PACSIN2: variants seen among roughly 807,000 people sequenced by gnomAD.
The protein encoded by PACSIN2 is protein kinase C and casein kinase substrate in neurons protein 2.
In PACSIN2, 25 loss-of-function variants were observed where a neutral mutation model predicts 63.8. The observed-to-expected ratio is 0.39, with a 90% CI of 0.29 to 0.55. The LOEUF (loss-of-function observed/expected upper bound fraction) is 0.55. Among genes scored for constraint, PACSIN2 ranks in the 20% least tolerant of loss-of-function variants. The pLI is 0.62. For missense variants in PACSIN2, 518 were observed against 646.9 expected, an observed-to-expected ratio of 0.80 and a Z score of 2.16; for synonymous variants, 255 against 256.2, an observed-to-expected ratio of 1.00 and a Z score of 0.05.
chr22:42,889,373 T>TACACAC lies in PACSIN2; in HGVS notation c.454-581_454-576dup, dbSNP rs58408551. Among the ~76,000 whole-genome samples the TACACAC allele has an allele frequency of 2.9e-3, 360 of 122,546 alleles. 3 individuals carry two copies. Among genetic ancestry groups the TACACAC allele is most frequent in the African/African-American group, 9.3e-3 (335 of 36,044 alleles). 80.4% of individuals were successfully genotyped at this position (122,546 alleles called of 152,430 possible). On this transcript the variant is annotated intron_variant, in intron 4 of 10. Transcript: ENST00000263246. ...CATTTCCTCTGGTTTTAATGGTTTT[T>TACACAC]ACACACACACACACACACACACACA...
intron 1 of PACSIN2, among the ~76,000 whole-genome samples, chr22:43,013,608 C>T (rs1924644961): frequency 6.6e-6 from 1 of 152,204 alleles, no homozygotes; most frequent in Non-Finnish European, 1.5e-5. Flanking sequence ...CCTGCCTGGT[C>T]GGTTCCCTTG....
chr22:42,921,504 G>C (rs1932194666), intron 1 of PACSIN2, among the ~76,000 whole-genome samples: 3 of 152,280 alleles, frequency 2.0e-5, no homozygotes, highest in African/African-American at 7.2e-5. Flanking sequence ...AGGGCCAAGA[G>C]GGAACCAGCT....
intron 2 of PACSIN2, 53 bp from the exon 3 acceptor site, chr22:42,893,666 G>C (rs964332484): frequency 3.0e-5 from 47 of 1,577,792 alleles, no homozygotes; most frequent in Non-Finnish European, 3.8e-5. Context: ...CCTGTCCTTG[G>C]CTGTGGCACA....
chr22:42,937,565 C>A (rs1016640740), intron 1 of PACSIN2, among the ~76,000 whole-genome samples: 1 of 152,178 alleles, frequency 6.6e-6, no homozygotes, highest in Non-Finnish European at 1.5e-5. Context: ...GACTACCACA[C>A]ACTGAATCTC....
At chr22:42,932,283 C>T (rs997722158) in intron 1 of PACSIN2, among the ~76,000 whole-genome samples, 1 of 152,212 alleles carries the variant, frequency 6.6e-6, no homozygotes, top group East Asian at 1.9e-4. Context: ...GCCGGCTCCC[C>T]CTCACACCAT....
chr22:42,881,127 G>A (rs2146643789), intron 7 of PACSIN2, among the ~76,000 whole-genome samples: 1 of 152,306 alleles, frequency 6.6e-6, no homozygotes, highest in Admixed American at 6.5e-5. Flanking sequence ...GGAGTGCTCG[G>A]CAGCAGGGCC....
rs140662623 is a variant in PACSIN2, at chr22:42,950,153, A to C, written c.-77-37996T>G. 4.3e-3 allele frequency among the ~76,000 whole-genome samples: 659 copies of C among 152,234 alleles called. 5 individuals carry two copies. Among genetic ancestry groups the C allele is most frequent in the Admixed American group, 6.3e-3 (96 of 15,290 alleles). ...CTTTTTTTGCTTGTCATTATTCCCTAAACAATACGGTATAACTATTTACAT... is the reference window on the plus strand; with the variant it reads ...CTTTTTTTGCTTGTCATTATTCCCTCAACAATACGGTATAACTATTTACAT... On this transcript the variant is annotated intron_variant, in intron 1 of 10. Transcript: ENST00000263246.
At position 42,871,148 on chromosome 22, in the gene PACSIN2, G is replaced by A. The variant is rs1050759803; in HGVS notation, c.*209C>T. On this transcript the variant is annotated 3_prime_UTR_variant, in exon 11 of 11. Transcript: ENST00000263246. The surrounding 1 kb of genome is among the most constrained non-coding windows in gnomAD (Gnocchi z 5.4). ...GGGGCGGCTATTTCTGTTGTTCTGC[G>A]TCTTCCTGCGCTCAGATCCCTCCAG... 2.7e-5 allele frequency: 16 copies of A among 589,428 alleles called. No individual in the cohort carries two copies. The highest frequency in any genetic ancestry group is 5.6e-5 in the East Asian group (2 of 35,522). 36.5% of individuals were successfully genotyped at this position (589,428 alleles called of 1,614,324 possible).
intron 1 of PACSIN2, among the ~76,000 whole-genome samples, chr22:43,012,441 T>C (rs183414078): frequency 2.6e-5 from 4 of 152,238 alleles, no homozygotes; most frequent in Admixed American, 2.6e-4. Context: ...GAATGCTATG[T>C]TGGTGGAAAT....
At chr22:42,969,597 T>C (rs1293891125) in intron 1 of PACSIN2, among the ~76,000 whole-genome samples, 1 of 152,210 alleles carries the variant, frequency 6.6e-6, no homozygotes, top group Admixed American at 6.5e-5. Flanking sequence ...TGATTATCGC[T>C]GTAGATTGGA....
In PACSIN2 at chr22:42,871,534, C is replaced by A; in HGVS notation, c.1349-65G>T. 1 of 1,268,460 alleles carries A rather than the reference C, an allele frequency of 7.9e-7. No homozygotes were observed. The highest frequency in any genetic ancestry group is 1.2e-5 in the South Asian group (1 of 83,982). 78.6% of individuals were successfully genotyped at this position (1,268,460 alleles called of 1,614,324 possible). ...ACACCGACGGTGGGCTACAGAGCCG[C>A]ATTCACGAGCTTTGAGCCCACAGAG... On this transcript the variant is annotated intron_variant, in intron 10 of 10. Transcript: ENST00000263246. The surrounding 1 kb of genome is among the most constrained non-coding windows in gnomAD (Gnocchi z 5.4).
chr22:42,962,350 G>C (rs58894654), intron 1 of PACSIN2, among the ~76,000 whole-genome samples: 1 of 151,972 alleles, frequency 6.6e-6, no homozygotes, highest in African/African-American at 2.4e-5. Flanking sequence ...TAGCTCTTTG[G>C]GGGTAAGCAT....
chr22:42,976,349 G>T (rs1921701893), intron 1 of PACSIN2, among the ~76,000 whole-genome samples: 1 of 152,358 alleles, frequency 6.6e-6, no homozygotes, highest in South Asian at 2.1e-4. Flanking sequence ...AAGGCCACTG[G>T]CAAGCGCAGG....
intron 6 of PACSIN2, among the ~76,000 whole-genome samples, 172 bp downstream of exon 6, chr22:42,884,214 G>C (rs896539681): frequency 5.3e-5 from 8 of 152,194 alleles, no homozygotes; most frequent in Admixed American, 3.3e-4. Context: ...ACACTCAGCA[G>C]AGGGGCCCTC....
chr22:42,968,069 G>A (rs919816228), intron 1 of PACSIN2, among the ~76,000 whole-genome samples: 1 of 152,174 alleles, frequency 6.6e-6, no homozygotes, highest in Non-Finnish European at 1.5e-5. Context: ...AAAACTACAG[G>A]TTTGGGGAAG....
At chr22:42,917,714 G>A (rs955113568) in intron 1 of PACSIN2, among the ~76,000 whole-genome samples, 2 of 152,174 alleles carry the variant, frequency 1.3e-5, no homozygotes, top group African/African-American at 2.4e-5. Flanking sequence ...ACAGTCTGTC[G>A]ATCTTGGCCT....
intron 1 of PACSIN2, among the ~76,000 whole-genome samples, chr22:43,009,733 G>A (rs1265963734): frequency 6.6e-6 from 1 of 152,048 alleles, no homozygotes; most frequent in East Asian, 1.9e-4. Flanking sequence ...AATTTTATCT[G>A]GCCACAGAAT....
At chr22:43,005,954 ATTT>A (rs971315715) in intron 1 of PACSIN2, among the ~76,000 whole-genome samples, 1 of 147,134 alleles carries the variant, frequency 6.8e-6, no homozygotes, top group Middle Eastern at 3.2e-3. Context: ...TGTCCTTACA[ATTT>A]TTTTTTTTTA....
chr22:42,963,916 C>G (rs1305025097), intron 1 of PACSIN2, among the ~76,000 whole-genome samples: 2 of 122,222 alleles, frequency 1.6e-5, no homozygotes, highest in Non-Finnish European at 3.4e-5. Flanking sequence ...AAAAAAACAG[C>G]TTTATTGAGA....
Sources: allele counts gnomAD v4.1 joint callset (sites outside exome capture counted in the v4.1 genomes callset), GRCh38; gene constraint gnomAD v4.1.1; non-coding constraint Gnocchi (gnomAD v3.1); transcripts MANE v1.5; gene names NCBI Gene and HGNC (gene_info 2026-07-23, HGNC 2026-07-21).